GRIA2: variants seen among roughly 807,000 people sequenced by gnomAD.
GRIA2 encodes the protein glutamate ionotropic receptor AMPA type subunit 2.
GRIA2 carries 14 observed loss-of-function variants against 97.3 expected under a neutral mutation model. The observed-to-expected ratio is 0.14, with a 90% CI of 0.10 to 0.23. The LOEUF is 0.23. Among genes scored for constraint, GRIA2 ranks in the 10% least tolerant of loss-of-function variants. The pLI is 1.00. For missense variants in GRIA2, 558 were observed against 1,069.8 expected (o/e 0.52, Z 6.67); for synonymous variants, 412 against 387.8 (o/e 1.06, Z -0.73).
At chr4:157,247,872 A>C (rs137954500) in intron 2 of GRIA2, among the ~76,000 whole-genome samples, 1 of 152,072 alleles carries the variant, frequency 6.6e-6, no homozygotes, top group African/African-American at 2.4e-5. Flanking sequence ...GACAGCATCA[A>C]CACTTTTCTG....
chr4:157,325,283 T>A (rs932118921), intron 6 of GRIA2, among the ~76,000 whole-genome samples: 1 of 152,162 alleles, frequency 6.6e-6, no homozygotes. Flanking sequence ...AAATATAAAT[T>A]ACAATGTTTA....
intron 2 of GRIA2, among the ~76,000 whole-genome samples, chr4:157,275,300 T>C (rs1208318251): frequency 6.6e-6 from 1 of 152,228 alleles, no homozygotes; most frequent in Non-Finnish European, 1.5e-5. Flanking sequence ...TGCAAAAATT[T>C]TCTCCCATTC....
rs189775338 is a variant in GRIA2, at chr4:157,303,480, G to A, written c.230-72G>A. The A allele has an allele frequency of 1.7e-4, 219 of 1,314,786 alleles. 1 individual carries two copies. The African/African-American group carries it at 2.0e-3, about 12-fold the overall frequency. 81.4% of individuals were successfully genotyped at this position (1,314,786 alleles called of 1,614,324 possible). On this transcript the variant is annotated intron_variant, in intron 2 of 15. Coordinates refer to ENST00000264426, the MANE Select transcript of GRIA2 (RefSeq NM_001083619.3). ...TGTATTTTATGTAAAAGGACATTAC[G>A]TTTTAAGCAAATTCATATGATTGTG...
Position 157,303,741 on chromosome 4 carries a change from T to C in GRIA2, c.419T>C (p.Ile140Thr). The C allele has an allele frequency of 1.2e-6, 2 of 1,613,886 alleles. No homozygotes were observed. Among genetic ancestry groups the C allele is most frequent in the Non-Finnish European group, 1.7e-6 (2 of 1,179,768 alleles). Residue 140 changes from isoleucine (I) to threonine (T), a missense_variant, in exon 3 of 16, where the codon ATT (isoleucine) becomes ACT (threonine). By Grantham distance (89) the Ile-to-Thr change is moderately conservative. Around this residue, in one of 8 missense-constraint regions of GRIA2, gnomAD observed 96 missense variants for 176.6 expected, o/e 0.54. Coordinates refer to ENST00000264426, the MANE Select transcript of GRIA2 (RefSeq NM_001083619.3). ...CTCAAAGGAGCTCTCCTTAGCTTGA[T>C]TGAATACTATCAATGGGACAAGTTT... ...PDLKGALLSLIEYYQWDKFAY... is the reference protein window; with the variant it reads ...PDLKGALLSLTEYYQWDKFAY...
intron 4 of GRIA2, among the ~76,000 whole-genome samples, chr4:157,317,038 T>G (rs1579358084): frequency 6.6e-6 from 1 of 152,180 alleles, no homozygotes; most frequent in Admixed American, 6.6e-5. Flanking sequence ...TGGAGAAAAA[T>G]TAGCTTCTCT....
intron 2 of GRIA2, among the ~76,000 whole-genome samples, chr4:157,222,766 G>T (rs1729562765): frequency 6.6e-6 from 1 of 152,196 alleles, no homozygotes; most frequent in Non-Finnish European, 1.5e-5. Context: ...TCCGGGACTC[G>T]CTGGGAAGCT....
intron 2 of GRIA2, among the ~76,000 whole-genome samples, chr4:157,239,984 C>G (rs1263448431): frequency 6.6e-6 from 1 of 152,028 alleles, no homozygotes; most frequent in African/African-American, 2.4e-5. Flanking sequence ...ATTGGCTTCT[C>G]TTGATCCTCC....
At chr4:157,253,479 T>G (rs550238296) in intron 2 of GRIA2, among the ~76,000 whole-genome samples, 1 of 152,190 alleles carries the variant, frequency 6.6e-6, no homozygotes, top group African/African-American at 2.4e-5. Context: ...ATACAAAAGC[T>G]CTTTGGGGTC....
chr4:157,266,364 A>G (rs566739468), intron 2 of GRIA2, among the ~76,000 whole-genome samples: 1 of 152,250 alleles, frequency 6.6e-6, no homozygotes, highest in African/African-American at 2.4e-5. Context: ...GAGGAAACCA[A>G]CAGCTGATGG....
At chr4:157,221,889 G>A in intron 2 of GRIA2, 82 bp downstream of exon 2, 2 of 1,304,378 alleles carry the variant, frequency 1.5e-6, no homozygotes, top group Non-Finnish European at 2.2e-6. Flanking sequence ...TTTCTGGGGT[G>A]GTGTGTGTGC....
intron 2 of GRIA2, among the ~76,000 whole-genome samples, chr4:157,253,208 C>A (rs1036442717): frequency 1.3e-5 from 2 of 151,732 alleles, no homozygotes; most frequent in Non-Finnish European, 2.9e-5. Context: ...CCTCTGCCTA[C>A]TGGGCTCAAG....
chr4:157,335,254 T>A (rs1735230198), intron 9 of GRIA2: 1 of 200,738 alleles, frequency 5.0e-6, no homozygotes, highest in Non-Finnish European at 1.0e-5. Context: ...GGGACAGCAG[T>A]GACACAGGGT....
intron 14 of GRIA2, chr4:157,362,527 CAT>C (rs1736676429): frequency 1.8e-6 from 1 of 560,766 alleles, no homozygotes; most frequent in Non-Finnish European, 3.4e-6. Context: ...CTGCAACTGA[CAT>C]AGCCAGGGAA....
intron 12 of GRIA2, among the ~76,000 whole-genome samples, chr4:157,344,346 C>A (rs931173402): frequency 6.6e-6 from 1 of 152,020 alleles, no homozygotes; most frequent in Non-Finnish European, 1.5e-5. Flanking sequence ...TCTCAACTTT[C>A]CTTTGGTCCT....
At chr4:157,362,725 C>T in intron 14 of GRIA2, 74 bp from the exon 15 acceptor site, 1 of 1,239,372 alleles carries the variant, frequency 8.1e-7, no homozygotes, top group African/African-American at 1.5e-5. Flanking sequence ...CGTGATAATG[C>T]TATGTGACAT....
chr4:157,269,527 GAAGT>G (rs1731924428), intron 2 of GRIA2, among the ~76,000 whole-genome samples: 1 of 152,070 alleles, frequency 6.6e-6, no homozygotes, highest in Non-Finnish European at 1.5e-5. Context: ...ACTAAGAGAT[GAAGT>G]AATAGCAGAG....
At position 157,312,764 on chromosome 4, in the gene GRIA2, T is replaced by A; in HGVS notation, c.555T>A (p.Asn185Lys). Residue 185 changes from asparagine (N) to lysine (K), a missense_variant, in exon 4 of 16, where the codon AAT becomes AAA. By Grantham distance (94) the Asn-to-Lys change is moderately conservative. Around this residue, in one of 8 missense-constraint regions of GRIA2, gnomAD observed 173 missense variants for 209.1 expected, o/e 0.83. Coordinates refer to ENST00000264426, the MANE Select transcript of GRIA2 (RefSeq NM_001083619.3). ...VTAINVGNINNDKKDEMYRSL... is the reference protein window; with the variant it reads ...VTAINVGNINKDKKDEMYRSL... ...CTATCAATGTGGGAAACATTAACAATGACAAGAAAGATGAGATGTACCGAT... is the reference window on the plus strand; with the variant it reads ...CTATCAATGTGGGAAACATTAACAAAGACAAGAAAGATGAGATGTACCGAT... 6.2e-7 allele frequency: 1 copy of A among 1,610,016 alleles called. No homozygotes were observed. The highest frequency in any genetic ancestry group is 8.5e-7 in the Non-Finnish European group (1 of 1,176,654).
chr4:157,303,421 C>A, intron 2 of GRIA2, 131 bp from the exon 3 acceptor site: 1 of 710,536 alleles, frequency 1.4e-6, no homozygotes, highest in Non-Finnish European at 2.3e-6. Flanking sequence ...TACAATGGAT[C>A]ATTAAATCTA....
chr4:157,277,834 G>A (rs1399547239), intron 2 of GRIA2, among the ~76,000 whole-genome samples: 3 of 73,714 alleles, frequency 4.1e-5, no homozygotes, highest in Admixed American at 3.5e-4. Flanking sequence ...ATGTATATAT[G>A]TATATATATA....
Sources: gnomAD v4.1 joint callset for allele counts (sites outside exome capture counted in the v4.1 genomes callset) on GRCh38, gnomAD v4.1.1 for gene constraint, gnomAD v4.1.1 regional missense constraint, MANE v1.5 for transcripts, NCBI Gene and HGNC (gene_info 2026-07-23, HGNC 2026-07-21) for gene names.